Variants in PDS5B observed in about 807,000 individuals in gnomAD.
PDS5B encodes the protein PDS5 cohesin associated factor B, also known as sister chromatid cohesion protein PDS5 homolog B.
A neutral mutation model predicts 184.1 loss-of-function variants in PDS5B; 51 were observed. The ratio of observed to expected loss-of-function variants is 0.28; its 90% CI spans 0.22 to 0.35. The LOEUF is 0.35. PDS5B is among the 10% of genes least tolerant of loss of function. The probability of loss-of-function intolerance (pLI) is 1.00; values close to 1 mark genes in which losing one functional copy is unlikely to be tolerated. For missense variants in PDS5B, 1,180 were observed against 1,723.3 expected, an observed-to-expected ratio of 0.68 and a Z score of 5.58; for synonymous variants, 566 against 569.2, an observed-to-expected ratio of 0.99 and a Z score of 0.08.
At chr13:32,618,737 G>A (rs149584941) in intron 1 of PDS5B, among the ~76,000 whole-genome samples, 15 of 152,234 alleles carry the variant, frequency 9.9e-5, no homozygotes, top group African/African-American at 2.6e-4. Context: ...TTTTGTTTAA[G>A]AAGTCATCTC....
chr13:32,728,974 A>G (rs1468827361), intron 19 of PDS5B, among the ~76,000 whole-genome samples: 1 of 152,160 alleles, frequency 6.6e-6, no homozygotes, highest in South Asian at 2.1e-4. Flanking sequence ...ACATGTGCAG[A>G]ACGTGGAGGT....
At chr13:32,738,774 C>G (rs990620551) in intron 21 of PDS5B, among the ~76,000 whole-genome samples, 1 of 152,096 alleles carries the variant, frequency 6.6e-6, no homozygotes, top group Non-Finnish European at 1.5e-5. Flanking sequence ...CACATTCAAG[C>G]CATTCTCCTG....
At position 32,722,125 on chromosome 13, in the gene PDS5B, C is replaced by T. The variant is rs1433424875; in HGVS notation, c.2124-9976C>T. On this transcript the variant is annotated intron_variant, in intron 19 of 34. Coordinates refer to ENST00000315596, the MANE Select transcript of PDS5B (RefSeq NM_015032.4). ...ATCCCGGCACCTTGGGAGGCCGAGG[C>T]GGGCAGATCACTTGAGGTCAGGAGC... Among the ~76,000 whole-genome samples, 7 of 152,354 alleles carry T rather than the reference C, an allele frequency of 4.6e-5. No homozygotes were observed. The South Asian group carries it at 1.4e-3, about 32-fold the overall frequency.
intron 2 of PDS5B, among the ~76,000 whole-genome samples, chr13:32,651,228 A>T (rs1950359207): frequency 6.6e-6 from 1 of 152,196 alleles, no homozygotes. Flanking sequence ...ATTCTCTTTT[A>T]CTGCCACACA....
At chr13:32,655,375 T>TATATATATATATATATATATATA (rs1555296358) in intron 3 of PDS5B, among the ~76,000 whole-genome samples, 43 of 50,700 alleles carry the variant, frequency 8.5e-4, no homozygotes, top group East Asian at 1.4e-3. Flanking sequence ...TATATATATA[T>TATATATATATATATATATATATA]TTTTTTTTTT....
chr13:32,666,738 G>A lies in PDS5B; in HGVS notation c.625-1026G>A, dbSNP rs149944942. 1.1e-4 allele frequency among the ~76,000 whole-genome samples: 16 copies of A among 152,184 alleles called. No individual in the cohort carries two copies. The East Asian group carries it at 3.1e-3, about 29-fold the overall frequency. On this transcript the variant is annotated intron_variant, in intron 6 of 34. Coordinates refer to ENST00000315596, the MANE Select transcript of PDS5B (RefSeq NM_015032.4). ...TGACTTACTTTATAATGGTTTATTG[G>A]GGTATTAAATGCATTTTGACTTACT...
chr13:32,619,159 C>A (rs382191), intron 1 of PDS5B, among the ~76,000 whole-genome samples: 6 of 94,964 alleles, frequency 6.3e-5, no homozygotes, highest in African/African-American at 2.5e-4. Context: ...GTGGTAAGGT[C>A]TTTGAGGTAC....
At chr13:32,685,928 C>T (rs1951374665) in intron 11 of PDS5B, among the ~76,000 whole-genome samples, 1 of 152,154 alleles carries the variant, frequency 6.6e-6, no homozygotes, top group Non-Finnish European at 1.5e-5. Context: ...GCATGAGCCA[C>T]CATGACTGGC....
chr13:32,733,101 A>G (rs1170118819), intron 20 of PDS5B, among the ~76,000 whole-genome samples: 1 of 152,144 alleles, frequency 6.6e-6, no homozygotes, highest in Non-Finnish European at 1.5e-5. Flanking sequence ...GTGTTTGTAT[A>G]TGAGAATGGC....
chr13:32,645,157 T>C (rs981672348), intron 1 of PDS5B, among the ~76,000 whole-genome samples: 2 of 152,090 alleles, frequency 1.3e-5, no homozygotes, highest in African/African-American at 4.8e-5. Context: ...TTCATTTTAA[T>C]TTTTTTGTAG....
chr13:32,664,606 A>T (rs950661130), intron 6 of PDS5B, among the ~76,000 whole-genome samples: 2 of 152,176 alleles, frequency 1.3e-5, no homozygotes, highest in Non-Finnish European at 2.9e-5. Flanking sequence ...GCTCTCTCTC[A>T]TTATCCCAGC....
chr13:32,717,172 C>T (rs1223507215), intron 19 of PDS5B, among the ~76,000 whole-genome samples: 1 of 152,264 alleles, frequency 6.6e-6, no homozygotes, highest in Non-Finnish European at 1.5e-5. Flanking sequence ...GCCAGGCCAC[C>T]ACCCCATCTG....
At chr13:32,768,947 C>CAAAAAAA (rs770324221) in intron 31 of PDS5B, among the ~76,000 whole-genome samples, 3 of 84,534 alleles carry the variant, frequency 3.5e-5, no homozygotes, top group Admixed American at 1.4e-4. Flanking sequence ...TAAAAAAATA[C>CAAAAAAA]AAAAAAAAAA....
intron 1 of PDS5B, among the ~76,000 whole-genome samples, chr13:32,592,970 A>G (rs1251876139): frequency 6.6e-6 from 1 of 152,230 alleles, no homozygotes; most frequent in Non-Finnish European, 1.5e-5. Context: ...TTATTGAGAT[A>G]CAACTCACAT....
At chr13:32,660,639 T>G (rs966168251) in intron 6 of PDS5B, among the ~76,000 whole-genome samples, 6 of 152,206 alleles carry the variant, frequency 3.9e-5, no homozygotes, top group Admixed American at 2.6e-4. Context: ...AGCAGCTGAC[T>G]ACCAGAGGCA....
intron 17 of PDS5B, among the ~76,000 whole-genome samples, chr13:32,701,781 T>C (rs1438146706): frequency 6.6e-6 from 1 of 152,162 alleles, no homozygotes; most frequent in African/African-American, 2.4e-5. Flanking sequence ...TTTGTTAACT[T>C]GTATAGTTTA....
intron 19 of PDS5B, among the ~76,000 whole-genome samples, chr13:32,711,115 C>T (rs1168061036): frequency 6.6e-6 from 1 of 151,882 alleles, no homozygotes; most frequent in African/African-American, 2.4e-5. Context: ...GCCTCAGCTT[C>T]CTGAGTAGCT....
chr13:32,644,057 GCTTCTAGCATT>G, intron 1 of PDS5B, among the ~76,000 whole-genome samples: 1 of 152,062 alleles, frequency 6.6e-6, no homozygotes, highest in Admixed American at 6.5e-5. Flanking sequence ...GCTGCCTAGG[GCTTCTAGCATT>G]ATATTGAATA....
chr13:32,770,480 A>G lies in PDS5B; in HGVS notation c.3984A>G (p.Glu1328=), dbSNP rs1218246835. The change falls in exon 32 of 35, where the codon GAA becomes GAG. Residue 1328 remains glutamate (E), a synonymous_variant. Coordinates refer to ENST00000315596, the MANE Select transcript of PDS5B (RefSeq NM_015032.4). ...GACCTCCAGCACCAGAGGAGGAGGA[A>G]GAAGAAGAAAGACAAAGTGGAAATA... The part of the protein sequence containing the change: ...KSGPPAPEEE[E]EEERQSGNTE... 6.2e-6 allele frequency: 10 copies of G among 1,611,798 alleles called. No homozygotes were observed. The highest frequency in any genetic ancestry group is 1.3e-5 in the African/African-American group (1 of 74,606).
Sources: allele counts gnomAD v4.1 joint callset (sites outside exome capture counted in the v4.1 genomes callset), GRCh38; gene constraint gnomAD v4.1.1; transcripts MANE v1.5; gene names NCBI Gene and HGNC (gene_info 2026-07-23, HGNC 2026-07-21).